CIP2A: variants seen among roughly 807,000 people sequenced by gnomAD.
The protein encoded by CIP2A is cellular inhibitor of PP2A.
CIP2A carries 103 observed loss-of-function variants against 110.9 expected under a neutral mutation model. That is an observed-to-expected ratio of 0.93 (90% CI 0.79 to 1.09). The LOEUF (loss-of-function observed/expected upper bound fraction) is 1.09, where lower values mean the gene tolerates loss of function less well. Ranked by LOEUF, CIP2A falls within the 50% of genes least tolerant of loss-of-function variation. The probability of loss-of-function intolerance (pLI) is 0.00; values close to 1 mark genes in which losing one functional copy is unlikely to be tolerated. For synonymous variants in CIP2A, 381 were observed against 361.6 expected (o/e 1.05, Z -0.61); for missense variants, 1,088 against 1,038.4 (o/e 1.05, Z -0.66).
chr3:108,569,331 A>T, intron 9 of CIP2A, 58 bp downstream of exon 9: 1 of 1,250,236 alleles, frequency 8.0e-7, no homozygotes, highest in Admixed American at 1.7e-5. Flanking sequence ...TTTTGAAGAC[A>T]AATTGTTAAC....
chr3:108,576,851 T>G (rs1318473867), intron 7 of CIP2A, among the ~76,000 whole-genome samples: 1 of 152,192 alleles, frequency 6.6e-6, no homozygotes, highest in Non-Finnish European at 1.5e-5. Context: ...ATATTCTATG[T>G]GACTGATGTA....
rs762454058 is a variant in CIP2A at position 108,568,212 on chromosome 3, C to T, written c.1216G>A (p.Glu406Lys). ...QLQFTEQNLD[E>K]ALTRKKCERI... ...TCACATTTTTTTCTTGTTAAAGCCT[C>T]ATCTAGATTTTGTTCTGTGAACTGA... The change falls in exon 10 of 21, where the codon GAG (glutamate) becomes AAG (lysine). Residue 406 changes from glutamate to lysine, a missense_variant. Physicochemically the swap from Glu to Lys is moderately conservative, Grantham distance 56. Transcript: ENST00000295746. 9 of 1,612,366 alleles carry T rather than the reference C, an allele frequency of 5.6e-6. No individual in the cohort carries two copies. Among genetic ancestry groups the T allele is most frequent in the Non-Finnish European group, 7.6e-6 (9 of 1,178,846 alleles).
In CIP2A at chr3:108,552,280, T is replaced by A; in HGVS notation, c.2501A>T (p.Lys834Ile). 6.3e-7 allele frequency: 1 copy of A among 1,577,108 alleles called. No homozygotes were observed. The highest frequency in any genetic ancestry group is 8.6e-7 in the Non-Finnish European group (1 of 1,158,692). ...TATCTGTTCTGTTCTGCTTAATTCT[T>A]TTCTAAGGATATCAATGGTTTCTTC... Reference protein sequence around the residue: ...DKEETIDILRKELSRTEQIRK... With the variant: ...DKEETIDILRIELSRTEQIRK... The change falls in exon 20 of 21, where the codon AAA becomes ATA. Residue 834 changes from lysine to isoleucine, a missense_variant. Lys to Ile is a moderately radical substitution (Grantham distance 102). Coordinates refer to ENST00000295746, the MANE Select transcript of CIP2A (RefSeq NM_020890.3).
chr3:108,575,732 GTGTATATATACTCATATACATGTGTA>G lies in CIP2A; in HGVS notation c.894+513_894+538del, dbSNP rs1259507895. 1.8e-4 allele frequency among the ~76,000 whole-genome samples: 5 copies of G among 28,208 alleles called. 1 individual carries two copies. The highest frequency in any genetic ancestry group is 6.6e-4 in the African/African-American group (5 of 7,584). 18.5% of individuals were successfully genotyped at this position (28,208 alleles called of 152,430 possible). Reference sequence around the variant, plus strand: ...TACTCATATACATGTGTATATATACGTGTATATATACTCATATACATGTGTATATATACGTGTATATATACTCATAT... The same window carrying G: ...TACTCATATACATGTGTATATATACGTATATACGTGTATATATACTCATAT... On this transcript the variant is annotated intron_variant, in intron 8 of 20. Coordinates refer to ENST00000295746, the MANE Select transcript of CIP2A (RefSeq NM_020890.3).
In CIP2A at chr3:108,563,231, A is replaced by T; in HGVS notation, c.1529T>A (p.Ile510Asn). 6.2e-7 allele frequency: 1 copy of T among 1,606,854 alleles called. No individual in the cohort carries two copies. The highest frequency in any genetic ancestry group is 8.5e-7 in the Non-Finnish European group (1 of 1,173,772). Reference protein sequence around the residue: ...FYKILQDPRLITPLAFALTSD... With the variant: ...FYKILQDPRLNTPLAFALTSD... ...CGTTAAAGCAAAAGCCAAAGGAGTAATCAAACGTGGGTCCTAAATAAATCA... is the reference window on the plus strand; with the variant it reads ...CGTTAAAGCAAAAGCCAAAGGAGTATTCAAACGTGGGTCCTAAATAAATCA... Residue 510 changes from isoleucine to asparagine, a missense_variant, in exon 13 of 21, where the codon ATT (isoleucine) becomes AAT (asparagine). By Grantham distance (149) the Ile-to-Asn change is moderately radical. Transcript: ENST00000295746.
chr3:108,579,187 G>A, intron 7 of CIP2A, 94 bp downstream of exon 7: 6 of 974,418 alleles, frequency 6.2e-6, no homozygotes, highest in South Asian at 1.5e-5. Context: ...TAGAATCCAA[G>A]TTTATTATAT....
Position 108,557,396 on chromosome 3 carries a change from T to G in CIP2A, c.2032A>C (p.Met678Leu), listed in dbSNP as rs141201957. 3.9e-4 allele frequency: 620 copies of G among 1,597,834 alleles called. No individual in the cohort carries two copies. Among genetic ancestry groups the G allele is most frequent in the Non-Finnish European group, 5.1e-4 (602 of 1,171,300 alleles). Residue 678 changes from methionine to leucine, a missense_variant, in exon 17 of 21, where the codon ATG becomes CTG. Coordinates refer to ENST00000295746, the MANE Select transcript of CIP2A (RefSeq NM_020890.3). ...AETEARTLASMLREVERKNEE... is the reference protein window; with the variant it reads ...AETEARTLASLLREVERKNEE... ...TTTTTTCTCTCAACTTCTCTCAACA[T>G]ACTAGCAAGTGTCCGTGCCTCAAAA...
intron 7 of CIP2A, 132 bp downstream of exon 7, chr3:108,579,149 C>T: frequency 1.5e-6 from 1 of 683,698 alleles, no homozygotes; most frequent in Middle Eastern, 4.2e-4. Context: ...TAAAGCACAT[C>T]AAAACATTTT....
At position 108,553,659 on chromosome 3, in the gene CIP2A, T is replaced by C. The variant is rs753813692; in HGVS notation, c.2396A>G (p.His799Arg). The change falls in exon 19 of 21, where the codon CAT becomes CGT. Residue 799 changes from histidine to arginine, a missense_variant. His to Arg is a conservative substitution (Grantham distance 29). Coordinates refer to ENST00000295746, the MANE Select transcript of CIP2A (RefSeq NM_020890.3). Reference protein sequence around the residue: ...EVQNQLVDREHKLANLHQKTK... With the variant: ...EVQNQLVDRERKLANLHQKTK... ...AAGAAGCCACTTACTTGCTAGCTTA[T>C]GTTCTCTGTCTACTAGCTGATTCTG... The C allele has an allele frequency of 4.5e-6, 7 of 1,552,734 alleles. No homozygotes were observed. Among genetic ancestry groups the C allele is most frequent in the African/African-American group, 1.4e-5 (1 of 73,646 alleles).
In CIP2A at chr3:108,551,096, G is replaced by T; in HGVS notation, c.*53C>A. On this transcript the variant is annotated 3_prime_UTR_variant, in exon 21 of 21. Transcript: ENST00000295746. The stretch of plus-strand genomic sequence containing the variant: ...TCCCCTACCCACCCCCCCTCCAATA[G>T]ATAAATACATCAAAAATATCATGAG... The T allele has an allele frequency of 5.4e-6, 2 of 367,674 alleles. No individual in the cohort carries two copies. The highest frequency in any genetic ancestry group is 9.5e-6 in the Non-Finnish European group (2 of 210,134). 22.8% of individuals were successfully genotyped at this position (367,674 alleles called of 1,614,324 possible). A position where few individuals can be genotyped will look rare whatever the true frequency, so the allele number is the denominator to read the frequency against.
chr3:108,575,593 T>C (rs368782635), intron 8 of CIP2A, among the ~76,000 whole-genome samples: 9,470 of 78,188 alleles, frequency 0.12, 1,635 homozygotes, highest in African/African-American at 0.16. Flanking sequence ...TGTGTATATA[T>C]ACGTGTATAT....
intron 13 of CIP2A, among the ~76,000 whole-genome samples, chr3:108,561,255 C>T: frequency 6.6e-6 from 1 of 152,142 alleles, no homozygotes; most frequent in East Asian, 1.9e-4. Flanking sequence ...CCTTTAAAAT[C>T]CTCTCTTTCT....
chr3:108,573,596 G>A (rs1184232847), intron 8 of CIP2A, among the ~76,000 whole-genome samples: 1 of 151,548 alleles, frequency 6.6e-6, no homozygotes, highest in East Asian at 1.9e-4. Context: ...CCCTTGCTGT[G>A]TGTTTCTATT....
intron 7 of CIP2A, among the ~76,000 whole-genome samples, chr3:108,578,857 TA>T: frequency 6.6e-6 from 1 of 152,182 alleles, no homozygotes; most frequent in East Asian, 1.9e-4. Context: ...ATACAAAAAA[TA>T]AAGACACAAA....
chr3:108,551,151 A>C lies in CIP2A; in HGVS notation c.2716T>G (p.Ter906GluextTer30), dbSNP rs1478280080. 6.3e-7 allele frequency: 1 copy of C among 1,576,398 alleles called. No individual in the cohort carries two copies. The highest frequency in any genetic ancestry group is 1.2e-5 in the South Asian group (1 of 85,928). The stretch of plus-strand genomic sequence containing the variant: ...CAAATTCCAAAATGCCATAATGTCT[A>C]TATACTGAGATTCACAGTTTCTGGA... ...INPETVNLSI* is the reference protein window; with the variant it reads ...INPETVNLSIE The change falls in exon 21 of 21, where the codon TAG becomes GAG. Residue 906 changes from the stop codon to glutamate, a stop_lost. Coordinates refer to ENST00000295746, the MANE Select transcript of CIP2A (RefSeq NM_020890.3).
intron 7 of CIP2A, among the ~76,000 whole-genome samples, chr3:108,576,654 T>C (rs566691173): frequency 6.6e-6 from 1 of 152,302 alleles, no homozygotes; most frequent in African/African-American, 2.4e-5. Context: ...ATTGCTCTAT[T>C]TTTTTAAGAT....
intron 8 of CIP2A, among the ~76,000 whole-genome samples, chr3:108,571,458 A>C (rs1307950938): frequency 1.3e-5 from 2 of 152,156 alleles, no homozygotes; most frequent in African/African-American, 4.8e-5. Context: ...GTAATGCATG[A>C]CTATATTTAT....
At position 108,575,620 on chromosome 3, in the gene CIP2A, GTA is replaced by G. The variant is rs1491337403; in HGVS notation, c.894+649_894+650del. 1.4e-5 allele frequency among the ~76,000 whole-genome samples: 2 copies of G among 141,120 alleles called. 1 individual carries two copies. Among genetic ancestry groups the G allele is most frequent in the Non-Finnish European group, 3.1e-5 (2 of 65,032 alleles). 92.6% of individuals were successfully genotyped at this position (141,120 alleles called of 152,430 possible). ...CGTGTATATATACTCATATACATGT[GTA>G]TATATACGTGTATATATACTCATAT... On this transcript the variant is annotated intron_variant, in intron 8 of 20. Transcript: ENST00000295746.
At chr3:108,569,825 T>TTC (rs1202206963) in intron 8 of CIP2A, among the ~76,000 whole-genome samples, 2 of 152,090 alleles carry the variant, frequency 1.3e-5, no homozygotes, top group Admixed American at 1.3e-4. Context: ...TAAGCAGGAC[T>TTC]GTGAGAACCT....
Sources: gnomAD v4.1 joint callset for allele counts (sites outside exome capture counted in the v4.1 genomes callset) on GRCh38, gnomAD v4.1.1 for gene constraint, MANE v1.5 for transcripts, NCBI Gene and HGNC (gene_info 2026-07-23, HGNC 2026-07-21) for gene names.